Variants in CDC42BPA observed in about 807,000 individuals in gnomAD.
The protein encoded by CDC42BPA is serine/threonine-protein kinase MRCK alpha.
In CDC42BPA, 80 loss-of-function variants were observed where a neutral mutation model predicts 223.5. That is an observed-to-expected ratio of 0.36 (90% CI 0.30 to 0.43). The LOEUF is 0.43. Ranked by LOEUF, CDC42BPA falls within the 20% of genes least tolerant of loss-of-function variation. CDC42BPA has a pLI of 1.00. For missense variants in CDC42BPA, 1,743 were observed against 2,099.9 expected (o/e 0.83, Z 3.32); for synonymous variants, 694 against 718.6 (o/e 0.97, Z 0.55).
chr1:227,132,965 C>T lies in CDC42BPA; in HGVS notation c.1391-3734G>A, dbSNP rs558708010. Among the ~76,000 whole-genome samples, 19 of 151,684 alleles carry T rather than the reference C, an allele frequency of 1.3e-4. No individual in the cohort carries two copies. The South Asian group carries it at 2.9e-3, about 23-fold the overall frequency. ...GCCCTGTCTGAGAAGTGAGGAGCCC[C>T]GCCGTCCGGCAGCCACCCCGTCTGG... On this transcript the variant is annotated intron_variant, in intron 10 of 36. Transcript: ENST00000366766.
chr1:227,108,184 G>A (rs948669110), intron 14 of CDC42BPA, among the ~76,000 whole-genome samples: 5 of 152,024 alleles, frequency 3.3e-5, no homozygotes, highest in African/African-American at 7.2e-5. Context: ...ATAAAGTTAG[G>A]TTAGTGATTT....
chr1:227,056,809 A>G (rs966358423), intron 21 of CDC42BPA, among the ~76,000 whole-genome samples: 5 of 152,322 alleles, frequency 3.3e-5, no homozygotes, highest in Non-Finnish European at 7.4e-5. Flanking sequence ...TTTTAGTGAT[A>G]TATTTATTTC....
intron 1 of CDC42BPA, among the ~76,000 whole-genome samples, chr1:227,297,935 GT>G (rs1558984584): frequency 3.4e-5 from 4 of 117,000 alleles, no homozygotes; most frequent in African/African-American, 7.1e-5. Flanking sequence ...GGCAAATTTT[GT>G]TTTATGTGTG....
chr1:227,090,144 C>A (rs1010989661), intron 16 of CDC42BPA, among the ~76,000 whole-genome samples: 1 of 152,156 alleles, frequency 6.6e-6, no homozygotes, highest in Non-Finnish European at 1.5e-5. Flanking sequence ...CCACTTCCTA[C>A]AATGTTTGTG....
intron 1 of CDC42BPA, among the ~76,000 whole-genome samples, chr1:227,296,220 C>T (rs1690607889): frequency 1.3e-5 from 2 of 152,114 alleles, no homozygotes; most frequent in African/African-American, 4.8e-5. Context: ...CATCTAAGGC[C>T]AGTTGATCTT....
At chr1:227,162,970 G>A (rs1664252851) in intron 5 of CDC42BPA, among the ~76,000 whole-genome samples, 1 of 81,172 alleles carries the variant, frequency 1.2e-5, no homozygotes, top group Admixed American at 1.1e-4. Context: ...CCAAACGTGT[G>A]TATGTTTCCA....
At chr1:227,032,500 C>A (rs1669465677) in intron 27 of CDC42BPA, among the ~76,000 whole-genome samples, 1 of 152,014 alleles carries the variant, frequency 6.6e-6, no homozygotes, top group Non-Finnish European at 1.5e-5. Context: ...GTGGCAAGGG[C>A]CTCCAAAGAC....
intron 16 of CDC42BPA, among the ~76,000 whole-genome samples, chr1:227,085,789 T>C (rs981354125): frequency 2.6e-5 from 4 of 152,188 alleles, no homozygotes; most frequent in Non-Finnish European, 5.9e-5. Flanking sequence ...GGGTGTGCCA[T>C]TTGCCTCTGA....
intron 1 of CDC42BPA, among the ~76,000 whole-genome samples, chr1:227,284,547 A>G (rs567513186): frequency 1.4e-4 from 21 of 152,324 alleles, no homozygotes; most frequent in African/African-American, 4.8e-4. Context: ...GAGAATGTAC[A>G]CATTTTCTTA....
chr1:227,279,746 C>T (rs1687709657), intron 1 of CDC42BPA, among the ~76,000 whole-genome samples: 1 of 152,076 alleles, frequency 6.6e-6, no homozygotes, highest in Non-Finnish European at 1.5e-5. Flanking sequence ...TTGATTCACA[C>T]ACACACAAAA....
intron 6 of CDC42BPA, among the ~76,000 whole-genome samples, chr1:227,152,304 A>C (rs1288378260): frequency 6.6e-6 from 1 of 152,156 alleles, no homozygotes; most frequent in African/African-American, 2.4e-5. Context: ...TGACAAATCC[A>C]AGGTCATAAA....
intron 2 of CDC42BPA, chr1:227,235,255 T>G (rs1371537239): frequency 6.6e-6 from 1 of 152,060 alleles, no homozygotes; most frequent in Non-Finnish European, 1.5e-5. Flanking sequence ...CTGACTAGGG[T>G]GACAATGCCT....
chr1:227,215,299 T>A (rs967051036), intron 2 of CDC42BPA, among the ~76,000 whole-genome samples: 1 of 152,190 alleles, frequency 6.6e-6, no homozygotes, highest in Non-Finnish European at 1.5e-5. Context: ...ATAGCATGGA[T>A]TCTGAAGCCA....
chr1:227,276,635 G>A (rs1290289095), intron 1 of CDC42BPA, among the ~76,000 whole-genome samples: 1 of 152,198 alleles, frequency 6.6e-6, no homozygotes. Context: ...CTAATAGAAA[G>A]GGGGGAAATG....
At chr1:227,136,721 T>C (rs1337254724) in intron 10 of CDC42BPA, among the ~76,000 whole-genome samples, 3 of 152,096 alleles carry the variant, frequency 2.0e-5, no homozygotes, top group Non-Finnish European at 4.4e-5. Flanking sequence ...ATGGAAGTTA[T>C]TATAGAAAAC....
At position 227,306,136 on chromosome 1, in the gene CDC42BPA, T is replaced by C. The variant is rs1018742838; in HGVS notation, c.178+10869A>G. On this transcript the variant is annotated intron_variant, in intron 1 of 36. Coordinates refer to ENST00000366766, the MANE Select transcript of CDC42BPA (RefSeq NM_001394014.1). The stretch of plus-strand genomic sequence containing the variant: ...CATGATCAAAGGATCATGTTCTAAG[T>C]GGTTTTTTTTTTTTTTTTTTGCTTC... Among the ~76,000 whole-genome samples the C allele has an allele frequency of 6.6e-5, 5 of 75,934 alleles. No homozygotes were observed. The East Asian group carries it at 1.3e-3, about 19-fold the overall frequency. The allele number at this position is 75,934 out of a possible 152,430, so 49.8% of individuals were successfully genotyped here. A position where few individuals can be genotyped will look rare whatever the true frequency, so the allele number is the denominator to read the frequency against.
intron 14 of CDC42BPA, among the ~76,000 whole-genome samples, chr1:227,105,164 T>C (rs190805572): frequency 6.6e-6 from 1 of 152,100 alleles, no homozygotes; most frequent in African/African-American, 2.4e-5. Context: ...TTTTAACCAT[T>C]CTACATGCAC....
At chr1:227,122,792 G>C (rs1688880822) in intron 11 of CDC42BPA, among the ~76,000 whole-genome samples, 3 of 152,152 alleles carry the variant, frequency 2.0e-5, no homozygotes, top group Admixed American at 2.0e-4. Flanking sequence ...ATTCCCAAAA[G>C]ATGAAAACCC....
Position 227,197,696 on chromosome 1 carries a change from G to A in CDC42BPA, c.450+1861C>T, listed in dbSNP as rs139288834. The stretch of plus-strand genomic sequence containing the variant: ...TTTATACCAAAATGTAGACTTTTAA[G>A]CAATGCACAAATCTGCAGTGTTAAA... On this transcript the variant is annotated intron_variant, in intron 4 of 36. Transcript: ENST00000366766. 2.7e-3 allele frequency among the ~76,000 whole-genome samples: 405 copies of A among 151,998 alleles called. 4 individuals carry two copies. Among genetic ancestry groups the A allele is most frequent in the African/African-American group, 9.4e-3 (391 of 41,458 alleles).
Sources: gnomAD v4.1 joint callset for allele counts (sites outside exome capture counted in the v4.1 genomes callset) on GRCh38, gnomAD v4.1.1 for gene constraint, MANE v1.5 for transcripts, NCBI Gene and HGNC (gene_info 2026-07-23, HGNC 2026-07-21) for gene names.